The following TBC1D12 variants were observed in gnomAD, a reference collection of about 807,000 sequenced individuals.
The protein encoded by TBC1D12 is TBC1 domain family member 12, also known as TBC1 domain family, member 12.
Under a neutral mutation model 86.7 loss-of-function variants are expected in TBC1D12, and 56 were observed. The ratio of observed to expected loss-of-function variants is 0.65; its 90% CI spans 0.52 to 0.81. The LOEUF is 0.81. Among genes scored for constraint, TBC1D12 ranks in the 30% least tolerant of loss-of-function variants. The probability of loss-of-function intolerance (pLI) is 0.00; values close to 1 mark genes in which losing one functional copy is unlikely to be tolerated. For missense variants in TBC1D12, 1,023 were observed against 1,038.8 expected, an observed-to-expected ratio of 0.98 and a Z score of 0.21; for synonymous variants, 421 against 411.7, an observed-to-expected ratio of 1.02 and a Z score of -0.27.
At chr10:94,514,523 T>G (rs1395731935) in intron 9 of TBC1D12, among the ~76,000 whole-genome samples, 1 of 152,224 alleles carries the variant, frequency 6.6e-6, no homozygotes, top group Non-Finnish European at 1.5e-5. Flanking sequence ...CAATATTTGC[T>G]TTTCTGTTTT....
intron 2 of TBC1D12, among the ~76,000 whole-genome samples, chr10:94,465,670 ATGTGTGTGTGTGTG>A (rs34828664): frequency 2.2e-4 from 31 of 137,934 alleles, no homozygotes; most frequent in Non-Finnish European, 9.2e-5. Flanking sequence ...ATATATATAT[ATGTGTGTGTGTGTG>A]TGTGTGTGTG....
chr10:94,533,127 A>G lies in TBC1D12; in HGVS notation c.*31A>G, dbSNP rs769222951. ...AAAATTGACAGACTAACTGACATAG[A>G]AAAAGTGGTTTTTGGATAAAGGTTT... On this transcript the variant is annotated 3_prime_UTR_variant, in exon 13 of 13. Coordinates refer to ENST00000225235, the MANE Select transcript of TBC1D12 (RefSeq NM_015188.2). 3.2e-5 allele frequency: 47 copies of G among 1,467,790 alleles called. No homozygotes were observed. Among genetic ancestry groups the G allele is most frequent in the Non-Finnish European group, 4.0e-5 (43 of 1,082,704 alleles). 90.9% of individuals were successfully genotyped at this position (1,467,790 alleles called of 1,614,324 possible). A position where few individuals can be genotyped will look rare whatever the true frequency, so the allele number is the denominator to read the frequency against.
intron 5 of TBC1D12, 67 bp from the exon 6 acceptor site, chr10:94,500,154 C>T (rs1040732007): frequency 5.8e-6 from 8 of 1,380,392 alleles, no homozygotes; most frequent in South Asian, 1.3e-5. Flanking sequence ...AAAGATAATC[C>T]ATCATGCAAC....
chr10:94,466,226 T>A (rs2055822303), intron 2 of TBC1D12, among the ~76,000 whole-genome samples: 1 of 152,090 alleles, frequency 6.6e-6, no homozygotes, highest in African/African-American at 2.4e-5. Flanking sequence ...TTATTTACAT[T>A]TGCCAGTATA....
chr10:94,500,419 G>A, intron 6 of TBC1D12, 92 bp downstream of exon 6: 2 of 1,024,418 alleles, frequency 2.0e-6, no homozygotes, highest in Admixed American at 2.8e-5. Context: ...TAAAATAAAT[G>A]GCCTTTATCA....
chr10:94,468,969 A>C lies in TBC1D12; in HGVS notation c.1096-5699A>C, dbSNP rs200622939. Among the ~76,000 whole-genome samples, 4 of 152,214 alleles carry C rather than the reference A, an allele frequency of 2.6e-5. No homozygotes were observed. The East Asian group carries it at 7.7e-4, about 29-fold the overall frequency. On this transcript the variant is annotated intron_variant, in intron 2 of 12. Transcript: ENST00000225235. ...AATATTTTACTGGGTGACATTAATC[A>C]CAGATTAAACATTGCAGAAGAAAGT...
chr10:94,410,540 C>G (rs2054915842), intron 1 of TBC1D12, among the ~76,000 whole-genome samples: 1 of 152,056 alleles, frequency 6.6e-6, no homozygotes, highest in Non-Finnish European at 1.5e-5. Context: ...CGTGCCCAGC[C>G]ACAGTTTTTT....
intron 1 of TBC1D12, among the ~76,000 whole-genome samples, chr10:94,418,136 A>G (rs2055025392): frequency 6.6e-6 from 1 of 152,096 alleles, no homozygotes; most frequent in Non-Finnish European, 1.5e-5. Flanking sequence ...CTGTGTAGAG[A>G]TATAGATTAA....
At chr10:94,460,777 C>T (rs549045765) in intron 2 of TBC1D12, among the ~76,000 whole-genome samples, 49 of 151,904 alleles carry the variant, frequency 3.2e-4, no homozygotes, top group African/African-American at 1.2e-3. Context: ...CTTTTTTTCC[C>T]AGTCTTTTTT....
At position 94,533,909 on chromosome 10, in the gene TBC1D12, A is replaced by G. The variant is rs928261561; in HGVS notation, c.*813A>G. On this transcript the variant is annotated 3_prime_UTR_variant, in exon 13 of 13. Coordinates refer to ENST00000225235, the MANE Select transcript of TBC1D12 (RefSeq NM_015188.2). ...TTTGAGAGTAAGTCCAAAAACATAT[A>G]TGATGTTTCTCAGTGATAAGAGTAA... 1.3e-5 allele frequency: 2 copies of G among 152,204 alleles called. No homozygotes were observed. The highest frequency in any genetic ancestry group is 2.9e-5 in the Non-Finnish European group (2 of 68,026). 9.4% of individuals were successfully genotyped at this position (152,204 alleles called of 1,614,324 possible).
intron 1 of TBC1D12, 71 bp downstream of exon 1, chr10:94,403,655 T>TCGGAAC: frequency 7.4e-7 from 1 of 1,343,828 alleles, no homozygotes; most frequent in South Asian, 1.7e-5. Context: ...TTGGTGGGAG[T>TCGGAAC]CGGAGCCGGA....
chr10:94,451,542 G>A lies in TBC1D12; in HGVS notation c.1095+9523G>A, dbSNP rs116194082. Among the ~76,000 whole-genome samples, 455 of 152,138 alleles carry A rather than the reference G, an allele frequency of 3.0e-3. 3 individuals are homozygous for A. The highest frequency in any genetic ancestry group is 0.01 in the African/African-American group (427 of 41,550). On this transcript the variant is annotated intron_variant, in intron 2 of 12. Transcript: ENST00000225235. ...TAGCTGGTTCTTTTTCAAATCTGCT[G>A]TATCACTTTTTACAGTTTACTGTTC...
rs543876106 is a variant in TBC1D12, at chr10:94,445,471, G to A, written c.1095+3452G>A. Among the ~76,000 whole-genome samples, 316 of 152,124 alleles carry A rather than the reference G, an allele frequency of 2.1e-3. 1 individual carries two copies. The highest frequency in any genetic ancestry group is 3.2e-3 in the Middle Eastern group (1 of 316). On this transcript the variant is annotated intron_variant, in intron 2 of 12. Coordinates refer to ENST00000225235, the MANE Select transcript of TBC1D12 (RefSeq NM_015188.2). The stretch of plus-strand genomic sequence containing the variant: ...ATGTAGTTGCTGCCTCTGCCTCTGC[G>A]GCCCCTTCTCTGATCCTTTAACTGA...
intron 9 of TBC1D12, among the ~76,000 whole-genome samples, chr10:94,518,205 TTTTTTCTTTTC>T (rs1430222366): frequency 2.0e-5 from 3 of 152,010 alleles, no homozygotes; most frequent in African/African-American, 7.2e-5. Flanking sequence ...ATGCATTCTT[TTTTTTCTTTTC>T]TTTTTCTTTT....
chr10:94,509,160 A>C (rs2056497668), intron 7 of TBC1D12: 1 of 142,082 alleles, frequency 7.0e-6, no homozygotes, highest in Non-Finnish European at 1.5e-5. Flanking sequence ...GCTGGAGTGC[A>C]GTGGCAAGAT....
intron 11 of TBC1D12, among the ~76,000 whole-genome samples, chr10:94,523,043 CA>C (rs35912130): frequency 0.031 from 2,035 of 64,622 alleles, 17 homozygotes; most frequent in African/African-American, 0.072. Context: ...GACTCCAGCT[CA>C]AAAAAAAAAA....
chr10:94,437,000 C>T (rs1010733439), intron 1 of TBC1D12, among the ~76,000 whole-genome samples: 13 of 151,902 alleles, frequency 8.6e-5, no homozygotes, highest in African/African-American at 2.9e-4. Flanking sequence ...GCCATCATGC[C>T]CGGCCTCTCC....
chr10:94,461,660 A>T (rs1412401699), intron 2 of TBC1D12, among the ~76,000 whole-genome samples: 2 of 152,054 alleles, frequency 1.3e-5, no homozygotes, highest in African/African-American at 4.8e-5. Flanking sequence ...TCTAACACTC[A>T]GACTTGTCCA....
At position 94,500,229 on chromosome 10, in the gene TBC1D12, C is replaced by A. The variant is rs765655848; in HGVS notation, c.1421C>A (p.Thr474Lys). Residue 474 changes from threonine to lysine, a missense_variant, in exon 6 of 13, where the codon ACA (threonine) becomes AAA (lysine). Physicochemically the swap from Thr to Lys is moderately conservative, Grantham distance 78 (BLOSUM62 -1). This residue lies in a region of TBC1D12 where 395 missense variants were observed against 507.7 expected (regional missense o/e 0.78). Coordinates refer to ENST00000225235, the MANE Select transcript of TBC1D12 (RefSeq NM_015188.2). ...ILPNWEVMRS[T>K]RRVRELWWQG... The stretch of plus-strand genomic sequence containing the variant: ...TCCTCCTTTAATTCTAGGCGTAGTA[C>A]AAGAAGAGTTCGAGAATTGTGGTGG... The A allele has an allele frequency of 6.2e-7, 1 of 1,613,634 alleles. No homozygotes were observed. The highest frequency in any genetic ancestry group is 8.5e-7 in the Non-Finnish European group (1 of 1,179,810).
Sources: gnomAD v4.1 joint callset for allele counts (sites outside exome capture counted in the v4.1 genomes callset) on GRCh38, gnomAD v4.1.1 for gene constraint, gnomAD v4.1.1 regional missense constraint, MANE v1.5 for transcripts, NCBI Gene and HGNC (gene_info 2026-07-23, HGNC 2026-07-21) for gene names.